Variants in SUPT3H observed in about 807,000 individuals in gnomAD.
SUPT3H encodes SPT3 homolog, SAGA and STAGA complex component, also known as transcription initiation protein SPT3 homolog.
A neutral mutation model predicts 44.3 loss-of-function variants in SUPT3H; 44 were observed. That is an observed-to-expected ratio of 0.99 (90% CI 0.78 to 1.28). The LOEUF (loss-of-function observed/expected upper bound fraction) is 1.28. Among genes scored for constraint, SUPT3H ranks in the 50% most tolerant of loss-of-function variants. The probability of loss-of-function intolerance (pLI) is 0.00; values close to 1 mark genes in which losing one functional copy is unlikely to be tolerated. For synonymous variants in SUPT3H, 124 were observed against 125.6 expected, an observed-to-expected ratio of 0.99 and a Z score of 0.09; for missense variants, 380 against 387.1, an observed-to-expected ratio of 0.98 and a Z score of 0.15.
chr6:45,335,381 T>G (rs1258801579), intron 2 of SUPT3H, among the ~76,000 whole-genome samples: 1 of 151,286 alleles, frequency 6.6e-6, no homozygotes, highest in Non-Finnish European at 1.5e-5. Flanking sequence ...TTTTACAACA[T>G]GTCAACCTAC....
At chr6:45,094,623 GC>G (rs1797563638) in intron 3 of SUPT3H, among the ~76,000 whole-genome samples, 1 of 151,932 alleles carries the variant, frequency 6.6e-6, no homozygotes, top group Admixed American at 6.6e-5. Context: ...AGCATAAGAG[GC>G]ATTCTACACA....
At chr6:44,951,058 C>T (rs1235592599) in intron 9 of SUPT3H, among the ~76,000 whole-genome samples, 2 of 151,940 alleles carry the variant, frequency 1.3e-5, no homozygotes, top group Non-Finnish European at 2.9e-5. Context: ...TACTATTCCT[C>T]TTTAATGAAC....
In SUPT3H at chr6:44,890,202, G is replaced by A. The variant is rs1033814661; in HGVS notation, c.912+42451C>T. Among the ~76,000 whole-genome samples, 72 of 149,766 alleles carry A rather than the reference G, an allele frequency of 4.8e-4. No individual in the cohort carries two copies. In the East Asian group the frequency reaches 9.4e-3, roughly 20 times the overall value. On this transcript the variant is annotated intron_variant, in intron 10 of 10. Coordinates refer to ENST00000371459, the MANE Select transcript of SUPT3H (RefSeq NM_003599.4). ...CAACCATTGTGGAAGTCAGTGTGGC[G>A]ATTCCTCAGGGATCTAGAACTAGAA...
intron 5 of SUPT3H, among the ~76,000 whole-genome samples, chr6:45,012,442 C>T (rs948740101): frequency 5.9e-5 from 9 of 151,884 alleles, no homozygotes; most frequent in Non-Finnish European, 8.8e-5. Context: ...AACTATTGAG[C>T]CCTTCTGAAT....
rs536668679 is a variant in SUPT3H at position 44,907,556 on chromosome 6, T to C, written c.912+25097A>G. On this transcript the variant is annotated intron_variant, in intron 10 of 10. Transcript: ENST00000371459. Reference sequence around the variant, plus strand: ...AACCAGGCATGGTGGTACACAACTGTAATCCCAGCTACTTGGGAGGCTGAG... The same window carrying C: ...AACCAGGCATGGTGGTACACAACTGCAATCCCAGCTACTTGGGAGGCTGAG... Among the ~76,000 whole-genome samples, 11 of 152,220 alleles carry C rather than the reference T, an allele frequency of 7.2e-5. No individual in the cohort carries two copies. In the South Asian group the frequency reaches 2.3e-3, roughly 32 times the overall value.
rs1203362865 is a variant in SUPT3H, at chr6:44,915,015, G to C, written c.912+17638C>G. Among the ~76,000 whole-genome samples the C allele has an allele frequency of 3.3e-5, 5 of 152,270 alleles. No individual in the cohort carries two copies. In the East Asian group the frequency reaches 9.7e-4, roughly 29 times the overall value. ...TTACTACCATGCCCTGTATCACCAG[G>C]AATTCCCTGGGCACATATCTATCTA... On this transcript the variant is annotated intron_variant, in intron 10 of 10. Transcript: ENST00000371459.
At chr6:45,111,103 G>T (rs952269813) in intron 2 of SUPT3H, among the ~76,000 whole-genome samples, 23 of 148,876 alleles carry the variant, frequency 1.5e-4, no homozygotes, top group African/African-American at 4.7e-4. Context: ...CGCGACCTTC[G>T]CTCACTGCAA....
At chr6:45,063,371 C>A (rs531451224) in intron 3 of SUPT3H, among the ~76,000 whole-genome samples, 1 of 151,482 alleles carries the variant, frequency 6.6e-6, no homozygotes, top group East Asian at 1.9e-4. Flanking sequence ...AAAAACAGAA[C>A]AGAAACTGGA....
At chr6:44,932,617 A>G in intron 10 of SUPT3H, 36 bp downstream of exon 10, 1 of 1,441,870 alleles carries the variant, frequency 6.9e-7, no homozygotes, top group African/African-American at 1.5e-5. Context: ...CTTTCATATT[A>G]TAAATATAAC....
intron 2 of SUPT3H, among the ~76,000 whole-genome samples, chr6:45,158,298 A>ATATATATATATATATATATTTTTTT: frequency 2.0e-5 from 2 of 99,694 alleles, no homozygotes; most frequent in African/African-American, 1.0e-4. Context: ...ATATATATAT[A>ATATATATATATATATATATTTTTTT]TTTTTTTTTT....
At chr6:45,156,216 A>C (rs1034504360) in intron 2 of SUPT3H, among the ~76,000 whole-genome samples, 9 of 152,318 alleles carry the variant, frequency 5.9e-5, no homozygotes, top group South Asian at 4.1e-4. Flanking sequence ...TGTTTCTCTC[A>C]GTGTCTGAGA....
At chr6:44,876,789 A>C (rs1777359283) in intron 10 of SUPT3H, among the ~76,000 whole-genome samples, 1 of 151,488 alleles carries the variant, frequency 6.6e-6, no homozygotes, top group Non-Finnish European at 1.5e-5. Context: ...ACTGTGCTTA[A>C]AATACATAGT....
chr6:45,103,052 ACATATAATTTGT>A lies in SUPT3H; in HGVS notation c.186+2858_186+2869del, dbSNP rs1340586994. Among the ~76,000 whole-genome samples, 3 of 152,350 alleles carry A rather than the reference ACATATAATTTGT, an allele frequency of 2.0e-5. No individual in the cohort carries two copies. In the East Asian group the frequency reaches 5.8e-4, roughly 29 times the overall value. ...TTTAAATGAAGAGTACAAAACACACACATATAATTTGTCATGACTACATGATATTCCATGGTA... is the reference window on the plus strand; with the variant it reads ...TTTAAATGAAGAGTACAAAACACACACATGACTACATGATATTCCATGGTA... On this transcript the variant is annotated intron_variant, in intron 3 of 10. Coordinates refer to ENST00000371459, the MANE Select transcript of SUPT3H (RefSeq NM_003599.4).
At chr6:44,974,935 C>T (rs895353959) in intron 6 of SUPT3H, among the ~76,000 whole-genome samples, 4 of 152,078 alleles carry the variant, frequency 2.6e-5, no homozygotes, top group African/African-American at 4.8e-5. Context: ...TATTGGGAGG[C>T]CGAGGCAGGT....
chr6:44,933,814 A>G (rs1167461561), intron 9 of SUPT3H, among the ~76,000 whole-genome samples: 2 of 152,168 alleles, frequency 1.3e-5, no homozygotes, highest in East Asian at 3.8e-4. Context: ...TGGCTAAAAA[A>G]AAGGATTAAT....
chr6:45,197,590 A>C, intron 2 of SUPT3H: 1 of 311,464 alleles, frequency 3.2e-6, no homozygotes, highest in South Asian at 2.9e-5. Flanking sequence ...AATGTAACAA[A>C]ATTAAGGTAA....
intron 3 of SUPT3H, among the ~76,000 whole-genome samples, chr6:45,092,601 C>G (rs963569377): frequency 7.3e-5 from 11 of 151,580 alleles, no homozygotes; most frequent in Non-Finnish European, 1.5e-4. Context: ...AATACAAAAA[C>G]TAGCCAGGCG....
At chr6:45,289,290 A>C (rs1779917941) in intron 2 of SUPT3H, among the ~76,000 whole-genome samples, 1 of 152,144 alleles carries the variant, frequency 6.6e-6, no homozygotes, top group African/African-American at 2.4e-5. Context: ...ATAAATAAAA[A>C]AGAACCGTAA....
chr6:45,223,830 A>G (rs1036228305), intron 2 of SUPT3H, among the ~76,000 whole-genome samples: 1 of 151,418 alleles, frequency 6.6e-6, no homozygotes, highest in Non-Finnish European at 1.5e-5. Context: ...CGAATTTACT[A>G]TGAAGCACTA....
Sources: gnomAD v4.1 joint callset for allele counts (sites outside exome capture counted in the v4.1 genomes callset) on GRCh38, gnomAD v4.1.1 for gene constraint, MANE v1.5 for transcripts, NCBI Gene and HGNC (gene_info 2026-07-23, HGNC 2026-07-21) for gene names.